The following CCDC148 variants were observed in gnomAD, a reference collection of about 807,000 sequenced individuals.
CCDC148 encodes the protein coiled-coil domain-containing protein 148.
CCDC148 carries 89 observed loss-of-function variants against 85.7 expected under a neutral mutation model. That is an observed-to-expected ratio of 1.04 (90% CI 0.87 to 1.24). CCDC148 has a LOEUF of 1.24. Among genes scored for constraint, CCDC148 ranks in the 50% most tolerant of loss-of-function variants. The pLI is 0.00. For synonymous variants in CCDC148, 230 were observed against 213.9 expected, an observed-to-expected ratio of 1.08 and a Z score of -0.66; for missense variants, 692 against 671.7, an observed-to-expected ratio of 1.03 and a Z score of -0.33.
intron 11 of CCDC148, 128 bp downstream of exon 11, chr2:158,220,467 T>C: frequency 1.6e-6 from 1 of 644,432 alleles, no homozygotes; most frequent in South Asian, 1.9e-5. Context: ...TATTCATTTG[T>C]GAATATAAAT....
At chr2:158,366,597 T>TCCGGGGCAGCCCGTAC (rs1559102818) in intron 1 of CCDC148, among the ~76,000 whole-genome samples, 2 of 152,144 alleles carry the variant, frequency 1.3e-5, no homozygotes, top group Non-Finnish European at 2.9e-5. Flanking sequence ...GCATATGCTT[T>TCCGGGGCAGCCCGTAC]CCGGGGCAGC....
intron 9 of CCDC148, among the ~76,000 whole-genome samples, chr2:158,255,941 C>T (rs562013431): frequency 3.3e-5 from 5 of 151,772 alleles, no homozygotes; most frequent in South Asian, 4.1e-4. Context: ...AAAATATGCT[C>T]GTCTACTGCA....
chr2:158,350,455 T>C (rs999757060), intron 2 of CCDC148, among the ~76,000 whole-genome samples: 3 of 152,182 alleles, frequency 2.0e-5, no homozygotes, highest in Non-Finnish European at 4.4e-5. Context: ...AATACATTTG[T>C]TTGGTATCTT....
chr2:158,181,305 G>A (rs1248982849), intron 11 of CCDC148, among the ~76,000 whole-genome samples: 1 of 152,170 alleles, frequency 6.6e-6, no homozygotes, highest in Non-Finnish European at 1.5e-5. Flanking sequence ...TTGTACTTGT[G>A]TGGTAGAGAA....
intron 9 of CCDC148, among the ~76,000 whole-genome samples, chr2:158,285,807 A>G (rs1209715350): frequency 6.6e-6 from 1 of 151,954 alleles, no homozygotes; most frequent in Non-Finnish European, 1.5e-5. Flanking sequence ...AAGTGCTGGG[A>G]TTACAGGAGT....
intron 1 of CCDC148, among the ~76,000 whole-genome samples, chr2:158,362,015 A>C (rs1683973327): frequency 6.9e-6 from 1 of 144,364 alleles, no homozygotes; most frequent in Non-Finnish European, 1.5e-5. Context: ...AAAAAAAAAC[A>C]GCAGGGATTG....
chr2:158,386,629 T>C (rs1685097891), intron 1 of CCDC148, among the ~76,000 whole-genome samples: 1 of 152,128 alleles, frequency 6.6e-6, no homozygotes, highest in Non-Finnish European at 1.5e-5. Flanking sequence ...TCCATGATCT[T>C]TGGAACTATC....
chr2:158,282,718 G>T (rs921088773), intron 9 of CCDC148, among the ~76,000 whole-genome samples: 2 of 152,148 alleles, frequency 1.3e-5, no homozygotes, highest in Admixed American at 1.3e-4. Context: ...GTAATTTATA[G>T]ATTCAATGCC....
chr2:158,201,961 C>T (rs1685987621), intron 11 of CCDC148, among the ~76,000 whole-genome samples: 1 of 152,138 alleles, frequency 6.6e-6, no homozygotes, highest in Non-Finnish European at 1.5e-5. Flanking sequence ...ATGTCTGCAA[C>T]TCTCTTTCAA....
intron 1 of CCDC148, among the ~76,000 whole-genome samples, chr2:158,400,594 C>T (rs1685736003): frequency 6.6e-6 from 1 of 152,092 alleles, no homozygotes; most frequent in Non-Finnish European, 1.5e-5. Flanking sequence ...AGACCTAAAA[C>T]CATAAAAACT....
intron 7 of CCDC148, among the ~76,000 whole-genome samples, chr2:158,323,860 T>TA (rs1255024466): frequency 6.6e-6 from 1 of 150,654 alleles, no homozygotes; most frequent in Non-Finnish European, 1.5e-5. Flanking sequence ...ATTTTTGCTT[T>TA]AAAAAATAGA....
At chr2:158,187,674 C>G (rs893825674) in intron 11 of CCDC148, among the ~76,000 whole-genome samples, 1 of 151,996 alleles carries the variant, frequency 6.6e-6, no homozygotes, top group Non-Finnish European at 1.5e-5. Context: ...AATGTGCTTC[C>G]TATCTCTTGC....
At chr2:158,386,326 T>C (rs1685086057) in intron 1 of CCDC148, among the ~76,000 whole-genome samples, 1 of 152,134 alleles carries the variant, frequency 6.6e-6, no homozygotes, top group African/African-American at 2.4e-5. Context: ...CTTTTTACCA[T>C]ACCAGTGATT....
intron 10 of CCDC148, among the ~76,000 whole-genome samples, chr2:158,239,194 C>T (rs1484689688): frequency 6.6e-6 from 1 of 152,034 alleles, no homozygotes; most frequent in Non-Finnish European, 1.5e-5. Flanking sequence ...AAAATTTATA[C>T]CTGGAGTTAA....
intron 10 of CCDC148, among the ~76,000 whole-genome samples, chr2:158,250,077 AT>A (rs1424174750): frequency 6.6e-6 from 1 of 152,070 alleles, no homozygotes; most frequent in Non-Finnish European, 1.5e-5. Context: ...TAACAAAAAT[AT>A]TTTTATGGCA....
At chr2:158,254,133 C>A (rs930707607) in intron 9 of CCDC148, among the ~76,000 whole-genome samples, 2 of 151,544 alleles carry the variant, frequency 1.3e-5, no homozygotes, top group Non-Finnish European at 1.5e-5. Context: ...TAACCAAATG[C>A]AATATGTGGT....
chr2:158,269,518 G>A (rs998732119), intron 9 of CCDC148, among the ~76,000 whole-genome samples: 1 of 152,140 alleles, frequency 6.6e-6, no homozygotes, highest in Non-Finnish European at 1.5e-5. Flanking sequence ...TGAAGCATGT[G>A]TAAACCTAGA....
chr2:158,358,499 G>T lies in CCDC148; in HGVS notation c.97C>A (p.Arg33Ser), dbSNP rs377450369. The change falls in exon 2 of 14, where the codon CGT becomes AGT. Residue 33 changes from arginine to serine, a missense_variant. Arg to Ser is a moderately radical substitution (Grantham distance 110). Coordinates refer to ENST00000283233, the MANE Select transcript of CCDC148 (RefSeq NM_138803.4). ...AATTTCTTTGCTTCAGTTAATGCAC[G>T]CAATTGTTGATAGTCTACTGGTTTG... ...KYKPVDYQQL[R>S]ALTEAKKLAS... The T allele has an allele frequency of 1.2e-6, 2 of 1,607,956 alleles. No homozygotes were observed. Among genetic ancestry groups the T allele is most frequent in the Admixed American group, 3.4e-5 (2 of 58,944 alleles).
chr2:158,311,064 C>T (rs905362462), intron 8 of CCDC148, among the ~76,000 whole-genome samples: 12 of 152,016 alleles, frequency 7.9e-5, no homozygotes, highest in South Asian at 6.2e-4. Context: ...ACTTCCTAGG[C>T]GGGGTGGTGG....
Sources: allele counts gnomAD v4.1 joint callset (sites outside exome capture counted in the v4.1 genomes callset), GRCh38; gene constraint gnomAD v4.1.1; transcripts MANE v1.5; gene names NCBI Gene and HGNC (gene_info 2026-07-23, HGNC 2026-07-21).